RSF1: variants seen among roughly 807,000 people sequenced by gnomAD.
RSF1 encodes the protein remodeling and spacing factor 1.
A neutral mutation model predicts 145.2 loss-of-function variants in RSF1; 13 were observed. That is an observed-to-expected ratio of 0.09 (90% CI 0.06 to 0.14). RSF1 has a LOEUF of 0.14. Among genes scored for constraint, RSF1 ranks in the 10% least tolerant of loss-of-function variants. RSF1 has a pLI of 1.00. For synonymous variants in RSF1, 577 were observed against 592.6 expected (o/e 0.97, Z 0.38); for missense variants, 1,517 against 1,718.2 (o/e 0.88, Z 2.07).
At chr11:77,725,487 G>A in intron 5 of RSF1, 58 bp downstream of exon 5, 1 of 1,295,556 alleles carries the variant, frequency 7.7e-7, no homozygotes, top group Non-Finnish European at 1.0e-6. Context: ...GGGAAGAGGA[G>A]TGGAAGAATA....
chr11:77,832,221 A>T, the RSF1 span, among the ~76,000 whole-genome samples: 1 of 152,200 alleles, frequency 6.6e-6, no homozygotes, highest in African/African-American at 2.4e-5. Flanking sequence ...AAGTGGCAAT[A>T]CACAAAAACC....
At chr11:77,788,497 TAAAA>T (rs35227998) in intron 1 of RSF1, among the ~76,000 whole-genome samples, 6 of 130,742 alleles carry the variant, frequency 4.6e-5, no homozygotes, top group Admixed American at 1.5e-4. Flanking sequence ...GAAGACAGGT[TAAAA>T]AAAAAAAAAA....
At chr11:77,869,102 T>G in the RSF1 span, 3 of 276,950 alleles carry the variant, frequency 1.1e-5, no homozygotes, top group Admixed American at 1.2e-4. Flanking sequence ...TAGATTCACA[T>G]GTACCATGTG....
At chr11:77,861,826 C>T in the RSF1 span, among the ~76,000 whole-genome samples, 1 of 152,090 alleles carries the variant, frequency 6.6e-6, no homozygotes, top group Non-Finnish European at 1.5e-5. Context: ...TCTGCCTGCT[C>T]CTCCTGATCT....
intron 6 of RSF1, among the ~76,000 whole-genome samples, chr11:77,700,221 C>T (rs909735589): frequency 7.9e-5 from 12 of 151,608 alleles, no homozygotes; most frequent in East Asian, 1.9e-4. Context: ...TGTGGTGGCA[C>T]GCTCCTGTAG....
chr11:77,746,158 T>C (rs1329748143), intron 3 of RSF1, among the ~76,000 whole-genome samples: 1 of 152,132 alleles, frequency 6.6e-6, no homozygotes, highest in East Asian at 1.9e-4. Flanking sequence ...TAACTTTGAC[T>C]CGCAAGGAAT....
the RSF1 span, among the ~76,000 whole-genome samples, chr11:77,859,276 C>G: frequency 2.2e-4 from 34 of 152,206 alleles, no homozygotes; most frequent in Admixed American, 3.9e-4. Context: ...TCCTGCCTTG[C>G]AGCTCTTTTT....
At chr11:77,668,995 T>G (rs1337731840) in intron 15 of RSF1, among the ~76,000 whole-genome samples, 1 of 152,188 alleles carries the variant, frequency 6.6e-6, no homozygotes, top group Non-Finnish European at 1.5e-5. Flanking sequence ...CTTGGATATC[T>G]CTAAACAGGC....
chr11:77,685,204 A>C, intron 9 of RSF1, 45 bp from the exon 10 acceptor site: 2 of 1,190,198 alleles, frequency 1.7e-6, no homozygotes, highest in Non-Finnish European at 2.4e-6. Flanking sequence ...TGCAGAAAAT[A>C]AAACTGTTAT....
At chr11:77,864,085 C>A in the RSF1 span, among the ~76,000 whole-genome samples, 1,242 of 151,848 alleles carry the variant, frequency 8.2e-3, 13 homozygotes, top group African/African-American at 0.027. Flanking sequence ...TGCTACCACA[C>A]CCAGCTAATT....
At chr11:77,766,825 GTTT>G (rs140906760) in intron 1 of RSF1, among the ~76,000 whole-genome samples, 3,090 of 152,182 alleles carry the variant, frequency 0.02, 91 homozygotes, top group African/African-American at 0.07. Flanking sequence ...AACAAAAGAA[GTTT>G]TTATTTGCTT....
At chr11:77,711,534 T>C (rs976504594) in intron 5 of RSF1, among the ~76,000 whole-genome samples, 20 of 152,170 alleles carry the variant, frequency 1.3e-4, no homozygotes, top group Admixed American at 1.2e-3. Flanking sequence ...CCGGGCGTGG[T>C]TGCAGGTGCC....
At chr11:77,782,685 T>C (rs1691832986) in intron 1 of RSF1, among the ~76,000 whole-genome samples, 1 of 152,052 alleles carries the variant, frequency 6.6e-6, no homozygotes, top group Non-Finnish European at 1.5e-5. Flanking sequence ...AAAGAAAACA[T>C]AATATTTTGA....
At chr11:77,802,157 C>A (rs549786517) in intron 1 of RSF1, among the ~76,000 whole-genome samples, 64 of 152,222 alleles carry the variant, frequency 4.2e-4, no homozygotes, top group Non-Finnish European at 7.8e-4. Context: ...TCGTTTATAA[C>A]CTCCATAATA....
intron 10 of RSF1, among the ~76,000 whole-genome samples, chr11:77,684,622 T>A (rs957901982): frequency 2.0e-5 from 3 of 152,210 alleles, no homozygotes; most frequent in Non-Finnish European, 4.4e-5. Context: ...ACATAAAATT[T>A]CAATCATGAG....
At chr11:77,867,658 A>G in the RSF1 span, among the ~76,000 whole-genome samples, 1 of 152,242 alleles carries the variant, frequency 6.6e-6, no homozygotes, top group Non-Finnish European at 1.5e-5. Context: ...GTCCTTGTGC[A>G]GAAACATAAC....
At chr11:77,742,826 G>C (rs1947955836) in intron 3 of RSF1, among the ~76,000 whole-genome samples, 1 of 152,100 alleles carries the variant, frequency 6.6e-6, no homozygotes, top group Admixed American at 6.5e-5. Context: ...GCTGTTGCTT[G>C]AGTTCTTTAT....
chr11:77,696,626 T>C (rs905478471), intron 7 of RSF1, among the ~76,000 whole-genome samples: 3 of 152,246 alleles, frequency 2.0e-5, no homozygotes, highest in African/African-American at 7.2e-5. Context: ...TTAGGTAAAA[T>C]GCCCTCTTTT....
intron 5 of RSF1, among the ~76,000 whole-genome samples, chr11:77,720,424 A>G (rs768731259): frequency 1.3e-4 from 20 of 152,200 alleles, no homozygotes; most frequent in Non-Finnish European, 2.8e-4. Context: ...GAGAAAATAT[A>G]TATTAAATTC....
Sources: allele counts gnomAD v4.1 joint callset (sites outside exome capture counted in the v4.1 genomes callset), GRCh38; gene constraint gnomAD v4.1.1; transcripts MANE v1.5; gene names NCBI Gene and HGNC (gene_info 2026-07-23, HGNC 2026-07-21).